The following GLI2 variants were observed in gnomAD, a reference collection of about 807,000 sequenced individuals.
The protein encoded by GLI2 is transcription activator GLI2.
GLI2 carries 22 observed loss-of-function variants against 78.9 expected under a neutral mutation model. The observed-to-expected ratio is 0.28, with a 90% CI of 0.20 to 0.40. The LOEUF is 0.40. GLI2 is among the 10% of genes least tolerant of loss of function. The pLI, the probability that GLI2 is intolerant of heterozygous loss-of-function variation, is 1.00. For missense variants in GLI2, 2,097 were observed against 2,213.2 expected (o/e 0.95, Z 1.05); for synonymous variants, 974 against 963.7 (o/e 1.01, Z -0.20).
chr2:120,970,370 T>G, intron 6 of GLI2, 23 bp from the exon 7 acceptor site: 1 of 1,389,368 alleles, frequency 7.2e-7, no homozygotes, highest in Non-Finnish European at 1.0e-6. Context: ...CACCCCCACT[T>G]CCTTGTCTGC....
intron 1 of GLI2, among the ~76,000 whole-genome samples, chr2:120,756,712 T>C (rs559113677): frequency 6.6e-6 from 1 of 152,372 alleles, no homozygotes; most frequent in African/African-American, 2.4e-5. Flanking sequence ...AGGATTGTCA[T>C]GGTATCAGAT....
intron 2 of GLI2, among the ~76,000 whole-genome samples, chr2:120,874,567 T>G (rs1688635471): frequency 1.3e-5 from 2 of 152,306 alleles, no homozygotes; most frequent in Admixed American, 1.3e-4. Flanking sequence ...AGGCCGGCGT[T>G]GAATGTCTAC....
chr2:120,957,715 G>A (rs190506219), intron 5 of GLI2, among the ~76,000 whole-genome samples: 5 of 152,364 alleles, frequency 3.3e-5, no homozygotes, highest in African/African-American at 7.2e-5. Context: ...CAGCATGAGC[G>A]TCTGTGTGTG....
chr2:120,852,411 G>C (rs539630795), intron 2 of GLI2, among the ~76,000 whole-genome samples: 2 of 152,314 alleles, frequency 1.3e-5, no homozygotes, highest in African/African-American at 4.8e-5. Flanking sequence ...TAGCACTCCT[G>C]CCTACCCCCA....
intron 2 of GLI2, among the ~76,000 whole-genome samples, chr2:120,895,780 C>T (rs1010185139): frequency 2.0e-5 from 3 of 152,204 alleles, no homozygotes; most frequent in African/African-American, 4.8e-5. Flanking sequence ...AGGATGGGCC[C>T]GGAACCCAGA....
intron 2 of GLI2, among the ~76,000 whole-genome samples, chr2:120,884,742 A>C (rs996258442): frequency 6.6e-6 from 1 of 152,148 alleles, no homozygotes; most frequent in African/African-American, 2.4e-5. Context: ...GTCCAGCTAG[A>C]GTGGGCAGCA....
intron 2 of GLI2, among the ~76,000 whole-genome samples, chr2:120,829,951 G>A (rs1686275080): frequency 6.6e-6 from 1 of 152,196 alleles, no homozygotes; most frequent in East Asian, 1.9e-4. Context: ...TTTGCTAAGG[G>A]CAGGTGTGCC....
chr2:120,747,133 A>G (rs1682718299), intron 1 of GLI2, among the ~76,000 whole-genome samples: 1 of 152,216 alleles, frequency 6.6e-6, no homozygotes, highest in Admixed American at 6.5e-5. Context: ...TAACTTAGCT[A>G]GAATATTTGG....
intron 2 of GLI2, among the ~76,000 whole-genome samples, chr2:120,886,727 G>T (rs375234693): frequency 6.6e-6 from 1 of 152,184 alleles, no homozygotes; most frequent in African/African-American, 2.4e-5. Flanking sequence ...GCCTGGAGTG[G>T]GACTGCGGTA....
intron 1 of GLI2, among the ~76,000 whole-genome samples, chr2:120,762,054 C>T (rs964765780): frequency 6.6e-5 from 10 of 152,198 alleles, no homozygotes; most frequent in Admixed American, 3.3e-4. Flanking sequence ...CCCACGGAGC[C>T]GGGCAGTTCT....
At chr2:120,753,837 G>A (rs1358079460) in intron 1 of GLI2, among the ~76,000 whole-genome samples, 2 of 151,136 alleles carry the variant, frequency 1.3e-5, no homozygotes, top group African/African-American at 4.9e-5. Flanking sequence ...GGCGGAGCTT[G>A]CAGTGATCTT....
intron 1 of GLI2, among the ~76,000 whole-genome samples, chr2:120,738,298 G>A (rs946484771): frequency 3.3e-5 from 5 of 152,124 alleles, no homozygotes; most frequent in African/African-American, 1.2e-4. Flanking sequence ...TCTTGCTTTT[G>A]TTTTCCTAGA....
chr2:120,865,384 T>C (rs1483116736), intron 2 of GLI2, among the ~76,000 whole-genome samples: 2 of 152,184 alleles, frequency 1.3e-5, no homozygotes, highest in Non-Finnish European at 2.9e-5. Flanking sequence ...TCCTCGCCAC[T>C]AGGAGGGACG....
chr2:120,920,467 C>G (rs1244874157), intron 2 of GLI2, among the ~76,000 whole-genome samples: 1 of 152,232 alleles, frequency 6.6e-6, no homozygotes, highest in Admixed American at 6.5e-5. Flanking sequence ...TTAACTTGAG[C>G]CAGGTTTCCG....
At chr2:120,971,873 T>C (rs749247418) in intron 7 of GLI2, 68 bp from the exon 8 acceptor site, 25 of 1,448,966 alleles carry the variant, frequency 1.7e-5, no homozygotes, top group Non-Finnish European at 2.2e-5. Flanking sequence ...AGAGTTAAAG[T>C]CCAAAAAAAT....
intron 2 of GLI2, among the ~76,000 whole-genome samples, chr2:120,904,323 C>G (rs182502575): frequency 6.6e-6 from 1 of 152,324 alleles, no homozygotes; most frequent in East Asian, 1.9e-4. Context: ...GAGCATGAAC[C>G]TGTGCCTGCT....
intron 2 of GLI2, among the ~76,000 whole-genome samples, chr2:120,799,330 G>T (rs995324910): frequency 6.6e-6 from 1 of 152,180 alleles, no homozygotes; most frequent in Admixed American, 6.5e-5. Context: ...GGCTGGTGAG[G>T]TTCCAGCGGA....
intron 1 of GLI2, among the ~76,000 whole-genome samples, chr2:120,738,234 T>TGG (rs1478817016): frequency 6.6e-6 from 1 of 152,234 alleles, no homozygotes; most frequent in Non-Finnish European, 1.5e-5. Flanking sequence ...TCCAGATCCA[T>TGG]CAGGGGCCTT....
chr2:120,862,344 C>T (rs1426549910), intron 2 of GLI2, among the ~76,000 whole-genome samples: 2 of 152,188 alleles, frequency 1.3e-5, no homozygotes, highest in East Asian at 1.9e-4. Context: ...CCCACCCCTC[C>T]GCCAGGCTCC....
Sources: gnomAD v4.1 joint callset for allele counts (sites outside exome capture counted in the v4.1 genomes callset) on GRCh38, gnomAD v4.1.1 for gene constraint, MANE v1.5 for transcripts, NCBI Gene and HGNC (gene_info 2026-07-23, HGNC 2026-07-21) for gene names.